The following PWWP3B variants were observed in gnomAD, a reference collection of about 807,000 sequenced individuals.
PWWP3B encodes the protein PWWP domain-containing DNA repair factor 3B.
A neutral mutation model predicts 15.7 loss-of-function variants in PWWP3B; 5 were observed. That is an observed-to-expected ratio of 0.32 (90% CI 0.17 to 0.67). The LOEUF is 0.67. Among genes scored for constraint, PWWP3B ranks in the 30% least tolerant of loss-of-function variants. PWWP3B has a pLI of 0.74. For synonymous variants in PWWP3B, 203 were observed against 179.8 expected (o/e 1.13, Z -1.03); for missense variants, 519 against 493.1 (o/e 1.05, Z -0.50).
chrX:106,179,184 C>A (rs181602785), intron 2 of PWWP3B, among the ~76,000 whole-genome samples: 76 of 111,910 alleles, frequency 6.8e-4, no homozygotes, highest in Non-Finnish European at 1.1e-3. Context: ...AAATTCCACT[C>A]AAAAAATTGT....
chrX:106,189,128 A>T (rs1922707527), intron 2 of PWWP3B, among the ~76,000 whole-genome samples: 2 of 112,360 alleles, frequency 1.8e-5, no homozygotes, highest in African/African-American at 6.5e-5. Context: ...AATGTATGAG[A>T]GTTCCAGTTG....
chrX:106,204,341 C>A (rs1488596118), intron 3 of PWWP3B, among the ~76,000 whole-genome samples, 171 bp downstream of exon 3: 1 of 112,040 alleles, frequency 8.9e-6, no homozygotes, highest in Non-Finnish European at 1.9e-5. Flanking sequence ...TTCATTTTGC[C>A]CCCTGTTCTG....
chrX:106,189,349 T>G (rs112845482), intron 2 of PWWP3B, among the ~76,000 whole-genome samples: 5 of 110,682 alleles, frequency 4.5e-5, no homozygotes, highest in African/African-American at 9.9e-5. Context: ...CATTTAGCAT[T>G]AGGTATATCT....
At chrX:106,177,562 G>A (rs1301034388) in intron 2 of PWWP3B, among the ~76,000 whole-genome samples, 1 of 112,632 alleles carries the variant, frequency 8.9e-6, no homozygotes, top group East Asian at 2.8e-4. Context: ...CCTCCGTGTG[G>A]GAATGGGCGA....
At chrX:106,196,152 T>A (rs1446885259) in intron 2 of PWWP3B, among the ~76,000 whole-genome samples, 3 of 112,051 alleles carry the variant, frequency 2.7e-5, no homozygotes, top group African/African-American at 9.7e-5. Context: ...TTATTAAACT[T>A]ACTTATTAGG....
At chrX:106,202,135 G>C (rs1857134663) in intron 2 of PWWP3B, among the ~76,000 whole-genome samples, 2 of 111,793 alleles carry the variant, frequency 1.8e-5, no homozygotes, top group Admixed American at 9.5e-5. Context: ...TTGACAGTAT[G>C]GGGGGAAATA....
chrX:106,175,386 G>T (rs943749374), intron 2 of PWWP3B, among the ~76,000 whole-genome samples: 1 of 107,414 alleles, frequency 9.3e-6, no homozygotes, highest in Non-Finnish European at 1.9e-5. Flanking sequence ...GACTACAGGC[G>T]CCAGCCACCG....
At chrX:106,174,164 A>G (rs989518722) in intron 2 of PWWP3B, among the ~76,000 whole-genome samples, 4 of 111,755 alleles carry the variant, frequency 3.6e-5, no homozygotes, top group Non-Finnish European at 7.5e-5. Context: ...CCCAACGCAG[A>G]CAGTTTTCTT....
chrX:106,185,771 G>A (rs911730021), intron 2 of PWWP3B, among the ~76,000 whole-genome samples: 2 of 112,177 alleles, frequency 1.8e-5, no homozygotes, highest in Non-Finnish European at 3.8e-5. Context: ...CCCTGAGGGA[G>A]GGAAGGGATC....
chrX:106,176,318 C>T (rs1363480008), intron 2 of PWWP3B, among the ~76,000 whole-genome samples: 6 of 110,314 alleles, frequency 5.4e-5, no homozygotes, highest in African/African-American at 1.7e-4. Context: ...GGTCTCGAAC[C>T]GCTGGCCTCA....
chrX:106,190,373 C>T (rs1330139070), intron 2 of PWWP3B, among the ~76,000 whole-genome samples: 4 of 111,536 alleles, frequency 3.6e-5, no homozygotes, highest in African/African-American at 9.8e-5. Context: ...TATCATTCGC[C>T]GACTTTTTGA....
At chrX:106,178,629 G>A (rs1467265067) in intron 2 of PWWP3B, among the ~76,000 whole-genome samples, 1 of 111,507 alleles carries the variant, frequency 9.0e-6, no homozygotes, top group Admixed American at 9.5e-5. Context: ...TTGCAAAGTT[G>A]GGGGAAAATT....
chrX:106,195,246 T>C (rs1238189630), intron 2 of PWWP3B, among the ~76,000 whole-genome samples: 1 of 111,848 alleles, frequency 8.9e-6, no homozygotes, highest in African/African-American at 3.2e-5. Context: ...TGAGAGTTCT[T>C]TATATATTTT....
intron 2 of PWWP3B, among the ~76,000 whole-genome samples, chrX:106,181,479 G>A (rs897661574): frequency 1.3e-4 from 14 of 111,552 alleles, no homozygotes; most frequent in Admixed American, 6.7e-4. Flanking sequence ...TTTATAGAGT[G>A]CTGATTGGTG....
At chrX:106,202,397 A>G (rs1463342999) in intron 2 of PWWP3B, among the ~76,000 whole-genome samples, 1 of 112,231 alleles carries the variant, frequency 8.9e-6, no homozygotes, top group Admixed American at 9.5e-5. Context: ...GATTATTTTT[A>G]TAATCATGAA....
intron 2 of PWWP3B, among the ~76,000 whole-genome samples, chrX:106,179,990 A>G (rs1324965224): frequency 9.0e-6 from 1 of 111,315 alleles, no homozygotes; most frequent in African/African-American, 3.3e-5. Flanking sequence ...AATCCTTTCC[A>G]ATGGGTGGCC....
At chrX:106,186,374 G>T (rs1403991950) in intron 2 of PWWP3B, among the ~76,000 whole-genome samples, 8 of 111,441 alleles carry the variant, frequency 7.2e-5, no homozygotes, top group African/African-American at 2.6e-4. Flanking sequence ...GTTTGTTAGA[G>T]AGCCCTTTCC....
At chrX:106,171,567 G>A (rs1462455873) in intron 2 of PWWP3B, among the ~76,000 whole-genome samples, 1 of 111,250 alleles carries the variant, frequency 9.0e-6, no homozygotes, top group African/African-American at 3.3e-5. Context: ...GTCATGCATG[G>A]CTTAACGATG....
At chrX:106,179,899 C>G (rs1408272030) in intron 2 of PWWP3B, among the ~76,000 whole-genome samples, 1 of 112,134 alleles carries the variant, frequency 8.9e-6, no homozygotes, top group East Asian at 2.8e-4. Context: ...GAAAAGTATG[C>G]AAACAGTCAT....
Sources: gnomAD v4.1 joint callset for allele counts (sites outside exome capture counted in the v4.1 genomes callset) on GRCh38, gnomAD v4.1.1 for gene constraint, MANE v1.5 for transcripts, NCBI Gene and HGNC (gene_info 2026-07-23, HGNC 2026-07-21) for gene names.